CSMD1: variants seen among roughly 807,000 people sequenced by gnomAD.
CSMD1 encodes CUB and sushi domain-containing protein 1.
In CSMD1, 213 loss-of-function variants were observed where a neutral mutation model predicts 417.5. The observed-to-expected ratio is 0.51, with a 90% CI of 0.46 to 0.57. CSMD1 has a LOEUF of 0.57. CSMD1 is among the 20% of genes least tolerant of loss of function. The probability of loss-of-function intolerance (pLI) is 0.00; values close to 1 mark genes in which losing one functional copy is unlikely to be tolerated. For synonymous variants in CSMD1, 2,862 were observed against 1,736.8 expected, an observed-to-expected ratio of 1.65 and a Z score of -16.11; for missense variants, 6,923 against 4,529.7, an observed-to-expected ratio of 1.53 and a Z score of -15.17.
At chr8:4,098,642 T>C (rs1386660541) in intron 3 of CSMD1, among the ~76,000 whole-genome samples, 2 of 152,146 alleles carry the variant, frequency 1.3e-5, no homozygotes, top group African/African-American at 2.4e-5. Context: ...CATTTCTACG[T>C]ATTGGTGGTT....
At chr8:4,366,070 G>A (rs1418997053) in intron 3 of CSMD1, among the ~76,000 whole-genome samples, 1 of 152,000 alleles carries the variant, frequency 6.6e-6, no homozygotes, top group African/African-American at 2.4e-5. Context: ...TCCAATCCAT[G>A]AGCCTCTCCT....
chr8:4,816,124 G>C lies in CSMD1; in HGVS notation c.85+178208C>G, dbSNP rs148561424. On this transcript the variant is annotated intron_variant, in intron 1 of 69. Transcript: ENST00000635120. Reference sequence around the variant, plus strand: ...GAGGAAGGCTGATCACAGAGCATCAGACTTCAAGTTTGTCTGAGGCTTTGC... The same window carrying C: ...GAGGAAGGCTGATCACAGAGCATCACACTTCAAGTTTGTCTGAGGCTTTGC... Among the ~76,000 whole-genome samples the C allele has an allele frequency of 6.0e-3, 906 of 152,230 alleles. 9 individuals are homozygous for C. The highest frequency in any genetic ancestry group is 0.02 in the African/African-American group (822 of 41,536).
At chr8:3,815,503 A>C (rs1335343489) in intron 5 of CSMD1, among the ~76,000 whole-genome samples, 1 of 151,918 alleles carries the variant, frequency 6.6e-6, no homozygotes, top group African/African-American at 2.4e-5. Context: ...AAATATGTGT[A>C]AGACTATGTT....
chr8:3,877,681 T>G (rs937841886), intron 5 of CSMD1, among the ~76,000 whole-genome samples: 2 of 152,202 alleles, frequency 1.3e-5, no homozygotes, highest in Non-Finnish European at 2.9e-5. Flanking sequence ...TCTGAGCACA[T>G]GGCTTGTACA....
At chr8:4,113,601 T>A (rs148474521) in intron 3 of CSMD1, among the ~76,000 whole-genome samples, 1 of 152,026 alleles carries the variant, frequency 6.6e-6, no homozygotes, top group African/African-American at 2.4e-5. Flanking sequence ...AGACAGAGTT[T>A]CACTGTGTTA....
chr8:3,017,433 G>T (rs1048574950), intron 52 of CSMD1, among the ~76,000 whole-genome samples: 1 of 152,126 alleles, frequency 6.6e-6, no homozygotes, highest in African/African-American at 2.4e-5. Flanking sequence ...GACACCCAAC[G>T]ACAGACACAT....
intron 42 of CSMD1, chr8:3,113,158 G>C (rs570983341): frequency 7.2e-5 from 11 of 152,360 alleles, no homozygotes; most frequent in African/African-American, 2.4e-4. Context: ...TCTGGACTGA[G>C]ATCAAAGAGG....
At chr8:3,078,495 T>G (rs74954089) in intron 49 of CSMD1, among the ~76,000 whole-genome samples, 1 of 152,194 alleles carries the variant, frequency 6.6e-6, no homozygotes, top group Non-Finnish European at 1.5e-5. Context: ...ATTGACGGCG[T>G]TGGACTCTGC....
At position 4,303,714 on chromosome 8, in the gene CSMD1, G is replaced by C. The variant is rs865945176; in HGVS notation, c.415+116239C>G. On this transcript the variant is annotated intron_variant, in intron 3 of 69. Coordinates refer to ENST00000635120, the MANE Select transcript of CSMD1 (RefSeq NM_033225.6). ...TCTCTTGCCCAGACTGGAGCTCACT[G>C]TCATTATCTTGGCTCACCCCAACCT... Among the ~76,000 whole-genome samples the C allele has an allele frequency of 5.3e-5, 8 of 152,012 alleles. 1 individual carries two copies. The highest frequency in any genetic ancestry group is 4.2e-4 in the South Asian group (2 of 4,812).
rs79357633 is a variant in CSMD1, at chr8:3,738,756, C to T, written c.931+15174G>A. On this transcript the variant is annotated intron_variant, in intron 6 of 69. Coordinates refer to ENST00000635120, the MANE Select transcript of CSMD1 (RefSeq NM_033225.6). Reference sequence around the variant, plus strand: ...AATTTCAAAGACAAATTCAGAGTAACGTAAAATAAAACAACCTCCGTCAAC... The same window carrying T: ...AATTTCAAAGACAAATTCAGAGTAATGTAAAATAAAACAACCTCCGTCAAC... Among the ~76,000 whole-genome samples, 823 of 152,260 alleles carry T rather than the reference C, an allele frequency of 5.4e-3. 3 individuals carry two copies. The highest frequency in any genetic ancestry group is 0.018 in the African/African-American group (752 of 41,534).
Position 3,909,327 on chromosome 8 carries a change from T to C in CSMD1, c.818+88576A>G, listed in dbSNP as rs190693531. On this transcript the variant is annotated intron_variant, in intron 5 of 69. Transcript: ENST00000635120. ...TTTACTTCTCCTAGGGTGATTCGTG[T>C]GGGCATCCTTGCTGGGAAATGCCAG... Among the ~76,000 whole-genome samples, 1,064 of 152,248 alleles carry C rather than the reference T, an allele frequency of 7.0e-3. 5 individuals carry two copies. Among genetic ancestry groups the C allele is most frequent in the Non-Finnish European group, 8.4e-3 (573 of 68,020 alleles).
intron 2 of CSMD1, among the ~76,000 whole-genome samples, chr8:4,618,365 G>A (rs1801594994): frequency 6.6e-6 from 1 of 152,092 alleles, no homozygotes; most frequent in East Asian, 1.9e-4. Flanking sequence ...CAGGATGTCT[G>A]CAATGGAACA....
chr8:4,926,977 T>C (rs1418472541), intron 1 of CSMD1, among the ~76,000 whole-genome samples: 1 of 152,100 alleles, frequency 6.6e-6, no homozygotes. Context: ...CTAGAGCACA[T>C]ACTATTTTCA....
intron 7 of CSMD1, among the ~76,000 whole-genome samples, chr8:3,706,275 G>A (rs549496056): frequency 6.6e-6 from 1 of 152,204 alleles, no homozygotes; most frequent in South Asian, 2.1e-4. Flanking sequence ...AATTGTGTAA[G>A]CGATGACATT....
At chr8:4,518,236 C>T (rs1335302793) in intron 2 of CSMD1, among the ~76,000 whole-genome samples, 1 of 152,068 alleles carries the variant, frequency 6.6e-6, no homozygotes, top group African/African-American at 2.4e-5. Context: ...CTGGCCTTTT[C>T]ATTTCTCCCT....
At chr8:3,276,408 A>C (rs1388091988) in intron 26 of CSMD1, among the ~76,000 whole-genome samples, 2 of 152,190 alleles carry the variant, frequency 1.3e-5, no homozygotes, top group African/African-American at 4.8e-5. Flanking sequence ...CTATTCGTTC[A>C]TCTTGGCTTC....
At chr8:4,207,323 A>G (rs967335300) in intron 3 of CSMD1, among the ~76,000 whole-genome samples, 2 of 152,162 alleles carry the variant, frequency 1.3e-5, no homozygotes, top group Non-Finnish European at 2.9e-5. Context: ...TTTAGTGGCT[A>G]GGACTCGTAA....
At chr8:4,302,540 C>T (rs541049247) in intron 3 of CSMD1, among the ~76,000 whole-genome samples, 3 of 152,074 alleles carry the variant, frequency 2.0e-5, no homozygotes, top group African/African-American at 7.2e-5. Flanking sequence ...ATTAAGAGAC[C>T]GTCTTGAAAG....
intron 2 of CSMD1, among the ~76,000 whole-genome samples, chr8:4,613,762 C>G (rs1442607578): frequency 1.3e-5 from 2 of 151,598 alleles, no homozygotes; most frequent in Non-Finnish European, 2.9e-5. Context: ...CAAACTCTTT[C>G]TCTCACTGCT....
Sources: gnomAD v4.1 joint callset for allele counts (sites outside exome capture counted in the v4.1 genomes callset) on GRCh38, gnomAD v4.1.1 for gene constraint, MANE v1.5 for transcripts, NCBI Gene and HGNC (gene_info 2026-07-23, HGNC 2026-07-21) for gene names.